The following PLCE1 variants were observed in gnomAD, a reference collection of about 807,000 sequenced individuals.
PLCE1 encodes the protein phospholipase C epsilon 1.
A neutral mutation model predicts 242.8 loss-of-function variants in PLCE1; 119 were observed. The observed-to-expected ratio is 0.49, with a 90% CI of 0.42 to 0.57. PLCE1 has a LOEUF of 0.57. PLCE1 is among the 20% of genes least tolerant of loss of function. PLCE1 has a pLI of 0.00. For missense variants in PLCE1, 2,441 were observed against 2,788.8 expected (o/e 0.88, Z 2.81); for synonymous variants, 945 against 1,017.4 (o/e 0.93, Z 1.35).
At chr10:94,145,614 A>C (rs904616425) in intron 3 of PLCE1, among the ~76,000 whole-genome samples, 4 of 152,066 alleles carry the variant, frequency 2.6e-5, no homozygotes, top group African/African-American at 9.7e-5. Context: ...GTGGGCTGAC[A>C]GTGATCCATA....
chr10:94,069,415 C>A (rs925843041), intron 2 of PLCE1, among the ~76,000 whole-genome samples: 4 of 152,130 alleles, frequency 2.6e-5, no homozygotes, highest in Non-Finnish European at 5.9e-5. Flanking sequence ...GCCTGGCCAA[C>A]ATAGTGAAAA....
chr10:94,105,397 C>T (rs994281147), intron 2 of PLCE1: 1 of 152,220 alleles, frequency 6.6e-6, no homozygotes. Flanking sequence ...AGAGATATCT[C>T]TTCAGGCTTC....
rs33974566 is a variant in PLCE1 at position 94,110,058 on chromosome 10, C to CTTTTTTTTTT, written c.1207-22103_1207-22094dup. ...AGACCCTTTCCTTTTTTTCTTTTTT[C>CTTTTTTTTTT]TTTTTTTTTTTTTTTTTTTTTTGAG... On this transcript the variant is annotated intron_variant, in intron 2 of 32. Transcript: ENST00000371380. 1.9e-3 allele frequency among the ~76,000 whole-genome samples: 144 copies of CTTTTTTTTTT among 75,882 alleles called. 7 individuals are homozygous for CTTTTTTTTTT. Among genetic ancestry groups the CTTTTTTTTTT allele is most frequent in the South Asian group, 4.3e-3 (7 of 1,620 alleles). 49.8% of individuals were successfully genotyped at this position (75,882 alleles called of 152,430 possible).
intron 8 of PLCE1, among the ~76,000 whole-genome samples, chr10:94,249,513 T>C (rs2050801115): frequency 6.6e-6 from 1 of 152,164 alleles, no homozygotes; most frequent in East Asian, 1.9e-4. Flanking sequence ...TTAACAGCTC[T>C]ATAAGAGGAT....
chr10:94,132,385 C>G lies in PLCE1; in HGVS notation c.1418C>G (p.Ala473Gly), dbSNP rs371884091. The G allele has an allele frequency of 1.9e-6, 3 of 1,614,008 alleles. No individual in the cohort carries two copies. Reference sequence around the variant, plus strand: ...TACATCACCGGTTCTCTCCTAGAAGCAACCACGTCTTTGGGAGCAAGAAGT... The same window carrying G: ...TACATCACCGGTTCTCTCCTAGAAGGAACCACGTCTTTGGGAGCAAGAAGT... ...SQYITGSLLE[A>G]TTSLGARSGL... Residue 473 changes from alanine to glycine, a missense_variant, in exon 3 of 33, where the codon GCA becomes GGA. Ala to Gly is a moderately conservative substitution (Grantham distance 60). Around this residue, in one of 5 missense-constraint regions of PLCE1, gnomAD observed 733 missense variants for 754.2 expected, o/e 0.97. Transcript: ENST00000371380.
intron 2 of PLCE1, among the ~76,000 whole-genome samples, chr10:94,116,555 C>T (rs1334990675): frequency 1.3e-5 from 2 of 152,060 alleles, no homozygotes; most frequent in South Asian, 2.1e-4. Flanking sequence ...ACTAGCTGGG[C>T]GTGGTGGCAG....
At chr10:94,238,439 C>A (rs1379489117) in intron 7 of PLCE1, among the ~76,000 whole-genome samples, 1 of 152,150 alleles carries the variant, frequency 6.6e-6, no homozygotes, top group East Asian at 1.9e-4. Flanking sequence ...TGAGCCTGAC[C>A]ATGTGTTCAG....
chr10:94,166,102 G>C (rs925525020), intron 3 of PLCE1, among the ~76,000 whole-genome samples: 2 of 152,152 alleles, frequency 1.3e-5, no homozygotes, highest in Non-Finnish European at 2.9e-5. Context: ...TTTGTTTGGT[G>C]TTCACTGGAC....
intron 7 of PLCE1, among the ~76,000 whole-genome samples, chr10:94,238,758 G>A (rs2050406180): frequency 6.6e-6 from 1 of 152,178 alleles, no homozygotes; most frequent in African/African-American, 2.4e-5. Flanking sequence ...GTGTAGAGAA[G>A]AGTATAGAGT....
intron 2 of PLCE1, among the ~76,000 whole-genome samples, chr10:94,084,893 T>C (rs2044759789): frequency 6.6e-6 from 1 of 152,208 alleles, no homozygotes; most frequent in South Asian, 2.1e-4. Flanking sequence ...TGCTGTTTAA[T>C]TTTATGTACT....
intron 4 of PLCE1, among the ~76,000 whole-genome samples, chr10:94,195,044 A>C (rs993390994): frequency 1.3e-5 from 2 of 152,208 alleles, no homozygotes; most frequent in African/African-American, 2.4e-5. Context: ...CTGGATTCAT[A>C]GAATATAGGA....
chr10:94,013,853 T>G (rs747407460), intron 1 of PLCE1, among the ~76,000 whole-genome samples: 4 of 152,174 alleles, frequency 2.6e-5, no homozygotes, highest in Non-Finnish European at 5.9e-5. Flanking sequence ...CTGAAGTACT[T>G]GTAGATGATC....
chr10:93,994,365 G>A (rs546728658), intron 1 of PLCE1, among the ~76,000 whole-genome samples, 107 bp downstream of exon 1: 1 of 152,324 alleles, frequency 6.6e-6, no homozygotes, highest in East Asian at 1.9e-4. Flanking sequence ...GCCCGACTCC[G>A]CGTACCTGGC....
Position 94,132,225 on chromosome 10 carries a change from C to A in PLCE1, c.1258C>A (p.Leu420Ile). 6.2e-7 allele frequency: 1 copy of A among 1,614,114 alleles called. No homozygotes were observed. Among genetic ancestry groups the A allele is most frequent in the Non-Finnish European group, 8.5e-7 (1 of 1,179,982 alleles). Residue 420 changes from leucine to isoleucine, a missense_variant, in exon 3 of 33, where the codon CTC becomes ATC. By Grantham distance (5) the Leu-to-Ile change is conservative. Around this residue, in one of 5 missense-constraint regions of PLCE1, gnomAD observed 733 missense variants for 754.2 expected, o/e 0.97. Coordinates refer to ENST00000371380, the MANE Select transcript of PLCE1 (RefSeq NM_016341.4). ...AACAGAAAATACAGTTGGATCTCTA[C>A]TCCATTTCCTCACCAAGCTCCCAGC... Reference protein sequence around the residue: ...EETENTVGSLLHFLTKLPASE... With the variant: ...EETENTVGSLIHFLTKLPASE...
chr10:94,171,242 A>G lies in PLCE1; in HGVS notation c.1555A>G (p.Ser519Gly), dbSNP rs375109167. Residue 519 changes from serine to glycine, a missense_variant, in exon 4 of 33, where the codon AGC becomes GGC. Physicochemically the swap from Ser to Gly is moderately conservative, Grantham distance 56. This residue lies in a region of PLCE1 where 733 missense variants were observed against 754.2 expected (regional missense o/e 0.97). Transcript: ENST00000371380. Reference protein sequence around the residue: ...NALPSSSAGISKELIDLQPLI... With the variant: ...NALPSSSAGIGKELIDLQPLI... ...CCTCCCTTCAAGTTCAGCTGGGATC[A>G]GCAAGGAGCTGATCGATCTGCAGCC... The G allele has an allele frequency of 6.2e-7, 1 of 1,614,228 alleles. No individual in the cohort carries two copies. Among genetic ancestry groups the G allele is most frequent in the African/African-American group, 1.3e-5 (1 of 75,066 alleles).
chr10:94,275,068 G>T (rs924385938), intron 19 of PLCE1, among the ~76,000 whole-genome samples: 3 of 152,118 alleles, frequency 2.0e-5, no homozygotes, highest in African/African-American at 7.2e-5. Context: ...CAAGATAAAT[G>T]ATAAATGTGA....
rs1313353370 is a variant in PLCE1 at position 94,308,538 on chromosome 10, T to C, written c.5885-43T>C. 5 of 1,325,968 alleles carry C rather than the reference T, an allele frequency of 3.8e-6. No homozygotes were observed. The African/African-American group carries it at 4.3e-5, about 11-fold the overall frequency. The allele number at this position is 1,325,968 out of a possible 1,614,324, so 82.1% of individuals were successfully genotyped here. On this transcript the variant is annotated intron_variant, in intron 26 of 32. Transcript: ENST00000371380. ...ACTTCCAGGAGCATCTTCTTTTCAG[T>C]AGCCATGGTTAACAAGCTTTTCCCA...
At chr10:94,086,406 T>A (rs1008108659) in intron 2 of PLCE1, among the ~76,000 whole-genome samples, 30 of 152,354 alleles carry the variant, frequency 2.0e-4, no homozygotes, top group Middle Eastern at 3.4e-3. Flanking sequence ...ACATCCACCC[T>A]TTAAAGATGG....
At chr10:94,204,335 A>G (rs139615466) in intron 4 of PLCE1, among the ~76,000 whole-genome samples, 258 of 152,210 alleles carry the variant, frequency 1.7e-3, no homozygotes, top group Non-Finnish European at 3.0e-3. Context: ...ATCATCAGAA[A>G]CTCCAAGCTA....
Sources: gnomAD v4.1 joint callset for allele counts (sites outside exome capture counted in the v4.1 genomes callset) on GRCh38, gnomAD v4.1.1 for gene constraint, gnomAD v4.1.1 regional missense constraint, MANE v1.5 for transcripts, NCBI Gene and HGNC (gene_info 2026-07-23, HGNC 2026-07-21) for gene names.